Variants in TGFA observed in about 807,000 individuals in gnomAD.
TGFA encodes the protein transforming growth factor alpha.
TGFA carries 12 observed loss-of-function variants against 21.7 expected under a neutral mutation model. The observed-to-expected ratio is 0.55, with a 90% CI of 0.35 to 0.90. The LOEUF (loss-of-function observed/expected upper bound fraction) is 0.90. Ranked by LOEUF, TGFA falls within the 40% of genes least tolerant of loss-of-function variation. The probability of loss-of-function intolerance (pLI) is 0.01; values close to 1 mark genes in which losing one functional copy is unlikely to be tolerated. For synonymous variants in TGFA, 79 were observed against 88.1 expected (o/e 0.90, Z 0.58); for missense variants, 178 against 210.8 (o/e 0.84, Z 0.96).
intron 2 of TGFA, among the ~76,000 whole-genome samples, chr2:70,509,580 C>A (rs1181734635): frequency 6.6e-6 from 1 of 152,174 alleles, no homozygotes; most frequent in Admixed American, 6.5e-5. Context: ...CTAAATTAAG[C>A]AAGCCTTCAA....
intron 2 of TGFA, among the ~76,000 whole-genome samples, chr2:70,471,686 A>C (rs1670756026): frequency 6.6e-6 from 1 of 152,134 alleles, no homozygotes; most frequent in Non-Finnish European, 1.5e-5. Context: ...TCACTTATTG[A>C]GTGCTTGCTA....
chr2:70,546,954 AT>A (rs1553506001), intron 1 of TGFA, among the ~76,000 whole-genome samples: 1 of 152,246 alleles, frequency 6.6e-6, no homozygotes, highest in Non-Finnish European at 1.5e-5. Context: ...TTAAATAATT[AT>A]AGCAGTGTGG....
Position 70,521,617 on chromosome 2 carries a change from G to GTTTTTT in TGFA, c.41-6711_41-6706dup, listed in dbSNP as rs35177436. On this transcript the variant is annotated intron_variant, in intron 1 of 5. Coordinates refer to ENST00000295400, the MANE Select transcript of TGFA (RefSeq NM_003236.4). ...TAGTTTTTTTTGTTGTTGTTTGTTT[G>GTTTTTT]TTTTTTTTTTTTTTTTTTTTTGAGT... 8.3e-3 allele frequency among the ~76,000 whole-genome samples: 723 copies of GTTTTTT among 86,954 alleles called. 8 individuals carry two copies. Among genetic ancestry groups the GTTTTTT allele is most frequent in the Non-Finnish European group, 0.011 (515 of 48,514 alleles). The allele number at this position is 86,954 out of a possible 152,430, so 57.0% of individuals were successfully genotyped here.
intron 2 of TGFA, among the ~76,000 whole-genome samples, chr2:70,510,203 A>G (rs78924912): frequency 0.026 from 3,941 of 152,264 alleles, 176 homozygotes; most frequent in African/African-American, 0.09. Flanking sequence ...CTCCTTGAGG[A>G]CAAGGCAGAG....
chr2:70,480,254 G>C (rs1432720800), intron 2 of TGFA, among the ~76,000 whole-genome samples: 5 of 152,144 alleles, frequency 3.3e-5, no homozygotes, highest in Non-Finnish European at 5.9e-5. Context: ...CCTTGACTGT[G>C]TCCTTTCTTA....
chr2:70,481,880 G>A (rs1299556956), intron 2 of TGFA, among the ~76,000 whole-genome samples: 3 of 152,188 alleles, frequency 2.0e-5, no homozygotes, highest in African/African-American at 7.2e-5. Context: ...TGACAGTGCA[G>A]CCCCAGTTGC....
rs998000668 is a variant in TGFA at position 70,447,298 on chromosome 2, A to G, written c.*3561T>C. On this transcript the variant is annotated 3_prime_UTR_variant, in exon 6 of 6. Coordinates refer to ENST00000295400, the MANE Select transcript of TGFA (RefSeq NM_003236.4). ...TCCAGTCTTGATTTAGGAAAAAAAGATTCATTCCTTCATCCTTCCAAATAA... is the reference window on the plus strand; with the variant it reads ...TCCAGTCTTGATTTAGGAAAAAAAGGTTCATTCCTTCATCCTTCCAAATAA... 2 of 152,630 alleles carry G rather than the reference A, an allele frequency of 1.3e-5. No homozygotes were observed. Among genetic ancestry groups the G allele is most frequent in the Admixed American group, 6.5e-5 (1 of 15,286 alleles). The allele number at this position is 152,630 out of a possible 1,614,324, so 9.5% of individuals were successfully genotyped here.
intron 2 of TGFA, among the ~76,000 whole-genome samples, chr2:70,507,167 G>T (rs1163481835): frequency 3.3e-5 from 5 of 152,234 alleles, no homozygotes; most frequent in Non-Finnish European, 5.9e-5. Context: ...TACTGCCTGA[G>T]CCTCGGAGCC....
chr2:70,456,948 G>A (rs1021336727), intron 3 of TGFA, among the ~76,000 whole-genome samples: 2 of 152,170 alleles, frequency 1.3e-5, no homozygotes, highest in African/African-American at 4.8e-5. Context: ...TCTTCTTCAA[G>A]TTTAGTTAGT....
chr2:70,529,193 A>G (rs1553503371), intron 1 of TGFA, among the ~76,000 whole-genome samples: 1 of 152,228 alleles, frequency 6.6e-6, no homozygotes, highest in East Asian at 1.9e-4. Context: ...TGCCTGACAC[A>G]TAGACAAGCT....
chr2:70,518,975 A>G (rs1553501931), intron 1 of TGFA, among the ~76,000 whole-genome samples: 1 of 152,146 alleles, frequency 6.6e-6, no homozygotes, highest in East Asian at 1.9e-4. Flanking sequence ...GATGAAGGGT[A>G]AGTTTTTGTT....
chr2:70,459,562 G>A (rs6714409), intron 3 of TGFA, among the ~76,000 whole-genome samples: 19,802 of 152,182 alleles, frequency 0.13, 1,521 homozygotes, highest in Admixed American at 0.26. Flanking sequence ...GTCCTGGAGC[G>A]AGGTCTCCTT....
At chr2:70,515,413 C>T (rs1672240686) in intron 1 of TGFA, among the ~76,000 whole-genome samples, 1 of 152,114 alleles carries the variant, frequency 6.6e-6, no homozygotes, top group Admixed American at 6.5e-5. Flanking sequence ...CACAGGTATA[C>T]CCCAGGGACA....
intron 1 of TGFA, among the ~76,000 whole-genome samples, chr2:70,545,121 C>T (rs1268548644): frequency 1.3e-5 from 2 of 151,984 alleles, no homozygotes; most frequent in Admixed American, 1.3e-4. Flanking sequence ...AAAAATATCT[C>T]AGGTACCCTA....
chr2:70,514,671 C>T (rs528486374), intron 2 of TGFA, among the ~76,000 whole-genome samples, 188 bp downstream of exon 2: 7 of 152,230 alleles, frequency 4.6e-5, no homozygotes, highest in African/African-American at 7.2e-5. Context: ...AACAGCCCCC[C>T]CTTGGGCCTG....
chr2:70,497,089 GAGA>G (rs532459399), intron 2 of TGFA, among the ~76,000 whole-genome samples: 91 of 152,334 alleles, frequency 6.0e-4, no homozygotes, highest in Non-Finnish European at 9.4e-4. Context: ...CTAGAAGTTA[GAGA>G]AGGACATGAT....
At chr2:70,461,321 G>A (rs1670399499) in intron 3 of TGFA, among the ~76,000 whole-genome samples, 1 of 152,140 alleles carries the variant, frequency 6.6e-6, no homozygotes, top group South Asian at 2.1e-4. Flanking sequence ...CCTGCTGATG[G>A]ATCTATGTAA....
At chr2:70,464,978 C>A (rs1347147111) in intron 3 of TGFA, among the ~76,000 whole-genome samples, 5 of 152,208 alleles carry the variant, frequency 3.3e-5, no homozygotes, top group Admixed American at 3.3e-4. Context: ...TGGCTCTGAA[C>A]TAATGTGATT....
chr2:70,466,941 C>G (rs1372953280), intron 2 of TGFA, among the ~76,000 whole-genome samples: 1 of 152,064 alleles, frequency 6.6e-6, no homozygotes, highest in Non-Finnish European at 1.5e-5. Flanking sequence ...AAGAGAAAAA[C>G]CAAACACTGC....
Sources: gnomAD v4.1 joint callset for allele counts (sites outside exome capture counted in the v4.1 genomes callset) on GRCh38, gnomAD v4.1.1 for gene constraint, MANE v1.5 for transcripts, NCBI Gene and HGNC (gene_info 2026-07-23, HGNC 2026-07-21) for gene names.